Variants in TMEM117 observed in about 807,000 individuals in gnomAD.
The protein encoded by TMEM117 is transmembrane protein 117.
TMEM117 carries 27 observed loss-of-function variants against 52.4 expected under a neutral mutation model. The ratio of observed to expected loss-of-function variants is 0.51; its 90% CI spans 0.38 to 0.71. The LOEUF is 0.71. Ranked by LOEUF, TMEM117 falls within the 30% of genes least tolerant of loss-of-function variation. The pLI, the probability that TMEM117 is intolerant of heterozygous loss-of-function variation, is 0.00. For missense variants in TMEM117, 556 were observed against 630.5 expected (o/e 0.88, Z 1.26); for synonymous variants, 215 against 206.3 (o/e 1.04, Z -0.36).
At chr12:43,963,843 A>C (rs189306322) in intron 3 of TMEM117, among the ~76,000 whole-genome samples, 1 of 152,338 alleles carries the variant, frequency 6.6e-6, no homozygotes, top group Non-Finnish European at 1.5e-5. Context: ...AATGAACTCC[A>C]TGGACCCACT....
the TMEM117 span, among the ~76,000 whole-genome samples, chr12:43,809,085 T>G: frequency 1.1e-4 from 17 of 152,328 alleles, no homozygotes; most frequent in African/African-American, 3.8e-4. Flanking sequence ...TAATGACATT[T>G]TAAAATCACA....
chr12:44,176,936 T>C (rs549249761), intron 4 of TMEM117, among the ~76,000 whole-genome samples: 1 of 152,110 alleles, frequency 6.6e-6, no homozygotes, highest in Non-Finnish European at 1.5e-5. Context: ...TGAAGTTTGG[T>C]ACAGTATTAT....
downstream of TMEM117, among the ~76,000 whole-genome samples, chr12:44,394,472 T>C (rs1178798809): frequency 1.3e-5 from 2 of 152,204 alleles, no homozygotes; most frequent in African/African-American, 4.8e-5. Flanking sequence ...TGCTTTGAAC[T>C]CTACAAGCTG....
At chr12:44,281,856 A>C (rs1264001257) in intron 5 of TMEM117, among the ~76,000 whole-genome samples, 1 of 152,152 alleles carries the variant, frequency 6.6e-6, no homozygotes, top group African/African-American at 2.4e-5. Flanking sequence ...CCAATCTTGC[A>C]GTAATATTTT....
chr12:43,946,811 A>C (rs1434307508), intron 3 of TMEM117, among the ~76,000 whole-genome samples: 6 of 152,224 alleles, frequency 3.9e-5, no homozygotes, highest in Non-Finnish European at 8.8e-5. Context: ...ATGCTTAGGA[A>C]ATAAGAGAAT....
intron 3 of TMEM117, among the ~76,000 whole-genome samples, chr12:44,092,108 G>T (rs1319958157): frequency 1.3e-5 from 2 of 152,176 alleles, no homozygotes; most frequent in Admixed American, 6.6e-5. Context: ...TGGTAACAAA[G>T]AATGGTTATG....
chr12:43,816,500 A>G, the TMEM117 span, among the ~76,000 whole-genome samples: 1 of 151,320 alleles, frequency 6.6e-6, no homozygotes, highest in East Asian at 1.9e-4. Context: ...CCTATCCACT[A>G]CTCATGACTT....
chr12:44,013,099 T>C (rs1444821296), intron 3 of TMEM117, among the ~76,000 whole-genome samples: 1 of 151,998 alleles, frequency 6.6e-6, no homozygotes, highest in Non-Finnish European at 1.5e-5. Context: ...GAACAGGGCT[T>C]GCTGCCGCTG....
intron 5 of TMEM117, among the ~76,000 whole-genome samples, chr12:44,256,303 A>G (rs1483355969): frequency 6.6e-6 from 1 of 151,910 alleles, no homozygotes; most frequent in African/African-American, 2.4e-5. Flanking sequence ...TTTTTATTGC[A>G]TTGGTCAGAT....
Position 44,299,606 on chromosome 12 carries a change from T to C in TMEM117, c.635T>C (p.Val212Ala). 6.2e-7 allele frequency: 1 copy of C among 1,614,222 alleles called. No individual in the cohort carries two copies. Among genetic ancestry groups the C allele is most frequent in the Non-Finnish European group, 8.5e-7 (1 of 1,180,022 alleles). ...ACAGTTCTTTTTACTCTGACGTCTG[T>C]GGTTGTACTTGTGATTACAACGGAC... ...FWTVLFTLTS[V>A]VVLVITTDWI... The change falls in exon 6 of 8, where the codon GTG becomes GCG. Residue 212 changes from valine to alanine, a missense_variant. Around this residue, in one of 3 missense-constraint regions of TMEM117, gnomAD observed 328 missense variants for 371.4 expected, o/e 0.88. Transcript: ENST00000266534.
At chr12:43,910,254 T>C (rs1944473167) in intron 2 of TMEM117, among the ~76,000 whole-genome samples, 1 of 151,852 alleles carries the variant, frequency 6.6e-6, no homozygotes, top group Non-Finnish European at 1.5e-5. Context: ...CACATGATTA[T>C]CTCAACAGAT....
chr12:44,243,640 A>G (rs1463186095), intron 5 of TMEM117, among the ~76,000 whole-genome samples: 1 of 151,914 alleles, frequency 6.6e-6, no homozygotes, highest in Non-Finnish European at 1.5e-5. Context: ...GATACACTTA[A>G]AACTCCTTCA....
In TMEM117 at chr12:44,093,830, G is replaced by A. The variant is rs1396406620; in HGVS notation, c.411-49695G>A. On this transcript the variant is annotated intron_variant, in intron 3 of 7. Coordinates refer to ENST00000266534, the MANE Select transcript of TMEM117 (RefSeq NM_032256.3). ...TGGATGACCACTAAAGATTTCTTTA[G>A]CTGTGTGTTTCAGTGGCTTAAGAAT... 3.4e-5 allele frequency among the ~76,000 whole-genome samples: 5 copies of A among 147,142 alleles called. No individual in the cohort carries two copies. The East Asian group carries it at 9.7e-4, about 28-fold the overall frequency.
At chr12:44,045,710 G>A (rs1337160256) in intron 3 of TMEM117, among the ~76,000 whole-genome samples, 3 of 152,252 alleles carry the variant, frequency 2.0e-5, no homozygotes, top group Admixed American at 1.3e-4. Flanking sequence ...AAGCGTGGTG[G>A]CGGGCATCTG....
At chr12:44,318,070 A>G (rs1213806876) in intron 6 of TMEM117, among the ~76,000 whole-genome samples, 1 of 152,138 alleles carries the variant, frequency 6.6e-6, no homozygotes, top group Non-Finnish European at 1.5e-5. Flanking sequence ...AATCCAGTAG[A>G]GTGGATGCAC....
chr12:43,870,420 C>G (rs1252892494), intron 2 of TMEM117, among the ~76,000 whole-genome samples: 5 of 151,568 alleles, frequency 3.3e-5, no homozygotes, highest in African/African-American at 1.2e-4. Flanking sequence ...CCGCCACACC[C>G]AGCTAATTTT....
intron 3 of TMEM117, among the ~76,000 whole-genome samples, chr12:44,042,095 C>G (rs76216719): frequency 0.018 from 2,737 of 152,266 alleles, 36 homozygotes; most frequent in Middle Eastern, 0.044. Flanking sequence ...CTAGAAAACC[C>G]CATAATCTCT....
chr12:44,299,313 A>T (rs950771052), intron 5 of TMEM117, among the ~76,000 whole-genome samples: 1 of 151,838 alleles, frequency 6.6e-6, no homozygotes, highest in African/African-American at 2.4e-5. Flanking sequence ...TTGTATTTTT[A>T]GTAGAGACAG....
At chr12:44,397,693 G>A in the TMEM117 span, among the ~76,000 whole-genome samples, 1 of 152,162 alleles carries the variant, frequency 6.6e-6, no homozygotes, top group Non-Finnish European at 1.5e-5. Flanking sequence ...TCAATGTTTA[G>A]AATTATTCAT....
Sources: gnomAD v4.1 joint callset for allele counts (sites outside exome capture counted in the v4.1 genomes callset) on GRCh38, gnomAD v4.1.1 for gene constraint, gnomAD v4.1.1 regional missense constraint, MANE v1.5 for transcripts, NCBI Gene and HGNC (gene_info 2026-07-23, HGNC 2026-07-21) for gene names.